ARMH3: variants seen among roughly 807,000 people sequenced by gnomAD.
ARMH3 encodes the protein armadillo like helical domain containing 3, also known as armadillo-like helical domain-containing protein 3.
Under a neutral mutation model 99.1 loss-of-function variants are expected in ARMH3, and 60 were observed. The ratio of observed to expected loss-of-function variants is 0.61; its 90% confidence interval spans 0.49 to 0.75. The LOEUF is 0.75. ARMH3 is among the 30% of genes least tolerant of loss of function. The pLI, the probability that ARMH3 is intolerant of heterozygous loss-of-function variation, is 0.00. For synonymous variants in ARMH3, 285 were observed against 292.8 expected, an observed-to-expected ratio of 0.97 and a Z score of 0.27; for missense variants, 679 against 843.1, an observed-to-expected ratio of 0.81 and a Z score of 2.41.
At chr10:102,044,774 C>A (rs2067505848) in intron 1 of ARMH3, among the ~76,000 whole-genome samples, 1 of 151,668 alleles carries the variant, frequency 6.6e-6, no homozygotes, top group South Asian at 2.1e-4. Flanking sequence ...TAAAATACTT[C>A]AACCAGTATA....
At chr10:101,951,985 C>T (rs565310010) in intron 22 of ARMH3, among the ~76,000 whole-genome samples, 15 of 152,108 alleles carry the variant, frequency 9.9e-5, no homozygotes, top group Admixed American at 5.9e-4. Flanking sequence ...GCAGTAGCAA[C>T]AGCAACCAAA....
At chr10:101,973,889 T>C (rs1225182396) in intron 20 of ARMH3, among the ~76,000 whole-genome samples, 2 of 152,212 alleles carry the variant, frequency 1.3e-5, no homozygotes, top group Admixed American at 6.5e-5. Flanking sequence ...CATCTGAAGA[T>C]CTGCATCATT....
At chr10:102,040,515 A>G (rs2067385169) in intron 1 of ARMH3, among the ~76,000 whole-genome samples, 1 of 152,228 alleles carries the variant, frequency 6.6e-6, no homozygotes. Flanking sequence ...CCACTTAATG[A>G]GACAACGTTT....
At chr10:101,887,498 G>C (rs2067575996) in intron 24 of ARMH3, among the ~76,000 whole-genome samples, 1 of 151,756 alleles carries the variant, frequency 6.6e-6, no homozygotes, top group Non-Finnish European at 1.5e-5. Context: ...CAACCTCCCT[G>C]GGTTCACCTC....
chr10:101,922,877 T>C, intron 23 of ARMH3, among the ~76,000 whole-genome samples: 1 of 152,192 alleles, frequency 6.6e-6, no homozygotes, highest in East Asian at 1.9e-4. Context: ...CAACTGTCTT[T>C]GGAGCTTCCT....
At chr10:101,963,706 T>C (rs1251289387) in intron 20 of ARMH3, among the ~76,000 whole-genome samples, 1 of 152,068 alleles carries the variant, frequency 6.6e-6, no homozygotes, top group Non-Finnish European at 1.5e-5. Context: ...TTCAAGCGAT[T>C]CTCCTGCCTC....
At chr10:101,862,116 AAAT>A (rs1283275473) in intron 24 of ARMH3, among the ~76,000 whole-genome samples, 1 of 151,770 alleles carries the variant, frequency 6.6e-6, no homozygotes, top group Admixed American at 6.6e-5. Context: ...CTGTATCTAT[AAAT>A]AATAATAAAG....
intron 23 of ARMH3, among the ~76,000 whole-genome samples, chr10:101,918,164 C>T (rs1843157973): frequency 6.6e-6 from 1 of 152,130 alleles, no homozygotes; most frequent in Admixed American, 6.6e-5. Flanking sequence ...GGCGATTCTC[C>T]TGCTTCAGTC....
intron 1 of ARMH3, among the ~76,000 whole-genome samples, chr10:102,054,515 C>T (rs1199971136): frequency 1.3e-5 from 2 of 152,190 alleles, no homozygotes; most frequent in Non-Finnish European, 2.9e-5. Flanking sequence ...AGGGATCCCT[C>T]TTTCCCTTGA....
intron 23 of ARMH3, among the ~76,000 whole-genome samples, chr10:101,923,132 T>C (rs1843368623): frequency 6.6e-6 from 1 of 152,158 alleles, no homozygotes; most frequent in Non-Finnish European, 1.5e-5. Context: ...GAGAAATGTA[T>C]AATCGAGGTA....
intron 15 of ARMH3, among the ~76,000 whole-genome samples, chr10:101,999,481 A>G (rs946979496): frequency 3.9e-5 from 6 of 152,058 alleles, no homozygotes; most frequent in African/African-American, 1.4e-4. Context: ...TGTGAGCCAC[A>G]GCGCCCAGCC....
At chr10:102,033,214 T>C in intron 3 of ARMH3, 42 bp from the exon 4 acceptor site, 1 of 1,613,832 alleles carries the variant, frequency 6.2e-7, no homozygotes. Flanking sequence ...ATTTTTAGCT[T>C]AGCGCCTAGA....
intron 24 of ARMH3, among the ~76,000 whole-genome samples, chr10:101,871,377 T>A (rs1221022475): frequency 3.3e-5 from 5 of 151,798 alleles, no homozygotes; most frequent in Admixed American, 1.3e-4. Flanking sequence ...CAAAAACATT[T>A]AAAAAAAACA....
At chr10:101,882,765 G>A (rs952666344) in intron 24 of ARMH3, among the ~76,000 whole-genome samples, 1 of 152,140 alleles carries the variant, frequency 6.6e-6, no homozygotes, top group African/African-American at 2.4e-5. Flanking sequence ...CCAAAGTGCT[G>A]GGATTACAGG....
intron 23 of ARMH3, among the ~76,000 whole-genome samples, chr10:101,900,462 C>T (rs2067946205): frequency 6.6e-6 from 1 of 152,098 alleles, no homozygotes; most frequent in Admixed American, 6.5e-5. Flanking sequence ...AAGCTCAAAA[C>T]CCCCAAAACT....
At chr10:102,006,712 A>C in intron 13 of ARMH3, 79 bp from the exon 14 acceptor site, 1 of 1,343,402 alleles carries the variant, frequency 7.4e-7, no homozygotes, top group Non-Finnish European at 1.1e-6. Flanking sequence ...ACCAATAAGG[A>C]CTGGTATTCT....
chr10:101,876,426 G>A (rs2067269087), intron 24 of ARMH3, among the ~76,000 whole-genome samples: 1 of 152,078 alleles, frequency 6.6e-6, no homozygotes, highest in African/African-American at 2.4e-5. Flanking sequence ...TAACTCACTG[G>A]TAATTCAACA....
At chr10:101,938,392 C>T (rs1054849425) in intron 23 of ARMH3, among the ~76,000 whole-genome samples, 1 of 152,208 alleles carries the variant, frequency 6.6e-6, no homozygotes, top group Non-Finnish European at 1.5e-5. Flanking sequence ...AAGCTTAAAT[C>T]AGCTGCTTGA....
intron 23 of ARMH3, among the ~76,000 whole-genome samples, chr10:101,928,785 C>A (rs1027286913): frequency 6.6e-6 from 1 of 152,178 alleles, no homozygotes; most frequent in Non-Finnish European, 1.5e-5. Flanking sequence ...GGCTGGAGTG[C>A]AATGGTGCGA....
Sources: gnomAD v4.1 joint callset for allele counts (sites outside exome capture counted in the v4.1 genomes callset) on GRCh38, gnomAD v4.1.1 for gene constraint, MANE v1.5 for transcripts, NCBI Gene and HGNC (gene_info 2026-07-23, HGNC 2026-07-21) for gene names.